The following ZNF333 variants were observed in gnomAD, a reference collection of about 807,000 sequenced individuals.
ZNF333 encodes zinc finger protein 333.
Under a neutral mutation model 76.1 loss-of-function variants are expected in ZNF333, and 61 were observed. The ratio of observed to expected loss-of-function variants is 0.80; its 90% confidence interval spans 0.65 to 0.99. The LOEUF (loss-of-function observed/expected upper bound fraction) is 0.99. Among genes scored for constraint, ZNF333 ranks in the 50% least tolerant of loss-of-function variants. The probability of loss-of-function intolerance (pLI) is 0.00; values close to 1 mark genes in which losing one functional copy is unlikely to be tolerated. For missense variants in ZNF333, 717 were observed against 822.4 expected, an observed-to-expected ratio of 0.87 and a Z score of 1.57; for synonymous variants, 284 against 305.0, an observed-to-expected ratio of 0.93 and a Z score of 0.72.
downstream of ZNF333, among the ~76,000 whole-genome samples, chr19:14,725,275 G>A (rs2042626626): frequency 6.6e-6 from 1 of 152,168 alleles, no homozygotes; most frequent in South Asian, 2.1e-4. Context: ...TTGCCCCCAT[G>A]ATCCGAATAC....
intron 5 of ZNF333, chr19:14,699,510 G>C: frequency 2.4e-6 from 1 of 418,786 alleles, no homozygotes; most frequent in South Asian, 2.8e-5. Context: ...ACCCAGGCTG[G>C]AGTGCAGTGG....
intron 5 of ZNF333, among the ~76,000 whole-genome samples, chr19:14,700,649 A>C (rs975469517): frequency 6.6e-6 from 1 of 152,142 alleles, no homozygotes; most frequent in South Asian, 2.1e-4. Flanking sequence ...CTCCGCCTCA[A>C]ACAAGAGGAC....
In ZNF333 at chr19:14,695,663, T is replaced by C; in HGVS notation, c.223+2T>C. The C allele has an allele frequency of 1.9e-6, 3 of 1,613,824 alleles. No individual in the cohort carries two copies. Among genetic ancestry groups the C allele is most frequent in the Non-Finnish European group, 2.5e-6 (3 of 1,179,868 alleles). On this transcript the variant is annotated splice_donor_variant, in intron 4 of 11. Transcript: ENST00000292530. LOFTEE classifies it high-confidence loss of function. ...GGATTCTCCGTGCCACAGGTGTTGGTGAGTACCAGGCAGGCTGTGGATCCC... is the reference window on the plus strand; with the variant it reads ...GGATTCTCCGTGCCACAGGTGTTGGCGAGTACCAGGCAGGCTGTGGATCCC...
At position 14,717,656 on chromosome 19, in the gene ZNF333, G is replaced by C; in HGVS notation, c.824-1G>C. ...ACTTTTTCTTCCCTAATTCATTTCAGAACCTCAGTGTCAACCCCAAGAGGC... is the reference window on the plus strand; with the variant it reads ...ACTTTTTCTTCCCTAATTCATTTCACAACCTCAGTGTCAACCCCAAGAGGC... On this transcript the variant is annotated splice_acceptor_variant, in intron 10 of 11. Coordinates refer to ENST00000292530, the MANE Select transcript of ZNF333 (RefSeq NM_032433.4). LOFTEE classifies it high-confidence loss of function. 1 of 1,613,676 alleles carries C rather than the reference G, an allele frequency of 6.2e-7. No homozygotes were observed.
At chr19:14,693,378 T>C in intron 1 of ZNF333, 73 bp from the exon 2 acceptor site, 1 of 1,238,764 alleles carries the variant, frequency 8.1e-7, no homozygotes. Context: ...GTGACCACTC[T>C]GCTGGAGATC....
At chr19:14,699,134 A>G (rs1973495875) in intron 4 of ZNF333, 65 bp from the exon 5 acceptor site, 5 of 1,232,992 alleles carry the variant, frequency 4.1e-6, no homozygotes, top group South Asian at 2.4e-5. Context: ...ATGTGAATAT[A>G]TATTTTCAAT....
Position 14,718,806 on chromosome 19 carries a change from G to C in ZNF333, c.1479G>C (p.Leu493=). Residue 493 remains leucine, a synonymous_variant, in exon 12 of 12, where the codon CTG becomes CTC. Coordinates refer to ENST00000292530, the MANE Select transcript of ZNF333 (RefSeq NM_032433.4). ...CGKAFREHSS[L]KTHLRTHTRE... ...AAGCCTTCAGGGAACACTCTTCACT[G>C]AAGACACATCTGCGAACCCATACCA... 1 of 1,613,304 alleles carries C rather than the reference G, an allele frequency of 6.2e-7. No homozygotes were observed. Among genetic ancestry groups the C allele is most frequent in the East Asian group, 2.2e-5 (1 of 44,828 alleles).
chr19:14,720,077 T>TGTA lies in ZNF333; in HGVS notation c.*752_*753insGTA. The stretch of plus-strand genomic sequence containing the variant: ...GGCATGCACCTGTAATCCCAGCTAC[T>TGTA]TGGGAGGCTGAGGCAGGAGAATTCT... On this transcript the variant is annotated 3_prime_UTR_variant, in exon 12 of 12. Transcript: ENST00000292530. 2.6e-6 allele frequency: 2 copies of TGTA among 761,092 alleles called. No homozygotes were observed. Among genetic ancestry groups the TGTA allele is most frequent in the Non-Finnish European group, 3.2e-6 (2 of 625,360 alleles). The allele number at this position is 761,092 out of a possible 1,614,324, so 47.1% of individuals were successfully genotyped here. A position where few individuals can be genotyped will look rare whatever the true frequency, so the allele number is the denominator to read the frequency against.
chr19:14,731,437 G>T, exon 12 of ZNF333: 1 of 534,696 alleles, frequency 1.9e-6, no homozygotes, highest in Non-Finnish European at 3.3e-6. Context: ...GGAGACTAAG[G>T]CCTGTGTGGG....
rs1412628982 is a variant in ZNF333 at position 14,718,750 on chromosome 19, G to A, written c.1423G>A (p.Glu475Lys). The A allele has an allele frequency of 2.5e-6, 4 of 1,614,034 alleles. No homozygotes were observed. The highest frequency in any genetic ancestry group is 3.4e-6 in the Non-Finnish European group (4 of 1,179,998). The change falls in exon 12 of 12, where the codon GAG becomes AAG. Residue 475 changes from glutamate (E) to lysine (K), a missense_variant. Physicochemically the swap from Glu to Lys is moderately conservative, Grantham distance 56. Transcript: ENST00000292530. ...GAGCCACGTGAGAACTCACACTGGAGAGAAGCCCTTTGAATGCAGCCAGTG... is the reference window on the plus strand; with the variant it reads ...GAGCCACGTGAGAACTCACACTGGAAAGAAGCCCTTTGAATGCAGCCAGTG... ...LRSHVRTHTG[E>K]KPFECSQCGK...
intron 7 of ZNF333, among the ~76,000 whole-genome samples, chr19:14,711,849 A>G (rs2042285625): frequency 6.6e-6 from 1 of 152,132 alleles, no homozygotes; most frequent in South Asian, 2.1e-4. Context: ...AGAAACACTC[A>G]TGGCAGCAAT....
At chr19:14,715,570 T>C in intron 8 of ZNF333, 100 bp downstream of exon 8, 2 of 1,175,786 alleles carry the variant, frequency 1.7e-6, no homozygotes, top group Non-Finnish European at 2.4e-6. Flanking sequence ...AGGGTTGGTC[T>C]CCATGCTTTC....
In ZNF333 at chr19:14,695,594, C is replaced by G; in HGVS notation, c.156C>G (p.Val52=). Reference sequence around the variant, plus strand: ...CTCCACCATGCAAACCCAGTTGTGTCTCCCAGCTGGGGCAAAGAGCAGAGC... The same window carrying G: ...CTCCACCATGCAAACCCAGTTGTGTGTCCCAGCTGGGGCAAAGAGCAGAGC... ...RGTPPCKPSC[V]SQLGQRAEPK... is the part of the protein sequence containing the mutation. Residue 52 remains valine, a synonymous_variant, in exon 4 of 12, where the codon GTC becomes GTG. Coordinates refer to ENST00000292530, the MANE Select transcript of ZNF333 (RefSeq NM_032433.4). 1 of 1,614,188 alleles carries G rather than the reference C, an allele frequency of 6.2e-7. No homozygotes were observed. The highest frequency in any genetic ancestry group is 1.1e-5 in the South Asian group (1 of 91,084).
intron 2 of ZNF333, among the ~76,000 whole-genome samples, chr19:14,693,905 A>G (rs376135407): frequency 1.3e-4 from 19 of 150,868 alleles, no homozygotes; most frequent in African/African-American, 3.4e-4. Context: ...GCTTGAGCCC[A>G]GGAGATTGAG....
rs753848004 is a variant in ZNF333, at chr19:14,716,070, G to A, written c.601-42G>A. On this transcript the variant is annotated intron_variant, in intron 8 of 11. Coordinates refer to ENST00000292530, the MANE Select transcript of ZNF333 (RefSeq NM_032433.4). ...CTCCAGCATCCTCTGGCGTACTGGT[G>A]GGGGTGGTCCCTGGCTGAGCCGGGA... The A allele has an allele frequency of 5.6e-6, 9 of 1,611,688 alleles. No homozygotes were observed. The East Asian group carries it at 1.8e-4, about 32-fold the overall frequency.
At chr19:14,710,256 C>T (rs2042236739) in intron 7 of ZNF333, among the ~76,000 whole-genome samples, 1 of 152,244 alleles carries the variant, frequency 6.6e-6, no homozygotes, top group Non-Finnish European at 1.5e-5. Context: ...AACAGAACCG[C>T]ACCCCCCAGC....
chr19:14,716,087 G>A, intron 8 of ZNF333, 25 bp from the exon 9 acceptor site: 1 of 1,613,576 alleles, frequency 6.2e-7, no homozygotes, highest in Non-Finnish European at 8.5e-7. Flanking sequence ...GTCCCTGGCT[G>A]AGCCGGGATG....
At chr19:14,729,326 G>A (rs1169553497) in intron 11 of ZNF333, among the ~76,000 whole-genome samples, 1 of 152,060 alleles carries the variant, frequency 6.6e-6, no homozygotes, top group Non-Finnish European at 1.5e-5. Context: ...AATGCCAGTA[G>A]CTTGGGTTGG....
chr19:14,709,471 A>G (rs1292789674), intron 7 of ZNF333, among the ~76,000 whole-genome samples: 1 of 152,230 alleles, frequency 6.6e-6, no homozygotes, highest in Non-Finnish European at 1.5e-5. Flanking sequence ...TCAGCTCATA[A>G]CAGCCACATA....
Sources: gnomAD v4.1 joint callset for allele counts (sites outside exome capture counted in the v4.1 genomes callset) on GRCh38, gnomAD v4.1.1 for gene constraint, MANE v1.5 for transcripts, NCBI Gene and HGNC (gene_info 2026-07-23, HGNC 2026-07-21) for gene names.